Variants in TBC1D2 observed in about 807,000 individuals in gnomAD.
The protein encoded by TBC1D2 is TBC1 domain family member 2.
A neutral mutation model predicts 91.1 loss-of-function variants in TBC1D2; 58 were observed. The ratio of observed to expected loss-of-function variants is 0.64; its 90% CI spans 0.52 to 0.79. The LOEUF (loss-of-function observed/expected upper bound fraction) is 0.79, where lower values mean the gene tolerates loss of function less well. Among genes scored for constraint, TBC1D2 ranks in the 30% least tolerant of loss-of-function variants. The pLI is 0.00. For missense variants in TBC1D2, 1,080 were observed against 1,208.3 expected, an observed-to-expected ratio of 0.89 and a Z score of 1.57; for synonymous variants, 482 against 511.5, an observed-to-expected ratio of 0.94 and a Z score of 0.78.
chr9:98,223,738 C>T (rs1400978228), intron 5 of TBC1D2, among the ~76,000 whole-genome samples: 1 of 152,188 alleles, frequency 6.6e-6, no homozygotes, highest in Non-Finnish European at 1.5e-5. Context: ...CCAGGAGGCT[C>T]TCCTCCCACC....
chr9:98,229,401 T>C lies in TBC1D2; in HGVS notation c.782-253A>G, dbSNP rs560508231. On this transcript the variant is annotated intron_variant, in intron 4 of 12. Transcript: ENST00000465784. ...CTGGCCTACATAAACGTTATTGCAC[T>C]GTGCTGGCCCATCTGCTAAACTGTG... 7.2e-5 allele frequency among the ~76,000 whole-genome samples: 11 copies of C among 152,362 alleles called. No individual in the cohort carries two copies. The East Asian group carries it at 2.1e-3, about 29-fold the overall frequency.
At chr9:98,204,214 G>A (rs1004879680) in intron 9 of TBC1D2, among the ~76,000 whole-genome samples, 4 of 152,102 alleles carry the variant, frequency 2.6e-5, no homozygotes, top group Non-Finnish European at 5.9e-5. Flanking sequence ...TGTCTTCCAG[G>A]GACTACTGGT....
chr9:98,235,283 G>T (rs542840662), intron 3 of TBC1D2: 4 of 372,604 alleles, frequency 1.1e-5, no homozygotes, highest in African/African-American at 8.5e-5. Flanking sequence ...AGGAGTCAAC[G>T]CTATTGTTTA....
chr9:98,225,629 C>T (rs1203310159), intron 5 of TBC1D2, among the ~76,000 whole-genome samples: 1 of 152,224 alleles, frequency 6.6e-6, no homozygotes, highest in Non-Finnish European at 1.5e-5. Context: ...AGACCCTGAG[C>T]ATGCAGACAC....
At chr9:98,244,613 C>A (rs146486714) in intron 2 of TBC1D2, among the ~76,000 whole-genome samples, 1 of 143,678 alleles carries the variant, frequency 7.0e-6, no homozygotes, top group African/African-American at 2.6e-5. Context: ...GGGCCGAGAT[C>A]GCGCCATTGC....
intron 2 of TBC1D2, among the ~76,000 whole-genome samples, chr9:98,250,226 C>T (rs1829843772): frequency 6.6e-6 from 1 of 152,144 alleles, no homozygotes; most frequent in African/African-American, 2.4e-5. Context: ...GCCGAAGCAT[C>T]AAGCCCAAGG....
At chr9:98,205,172 C>T (rs1296615839) in intron 9 of TBC1D2, among the ~76,000 whole-genome samples, 1 of 152,214 alleles carries the variant, frequency 6.6e-6, no homozygotes, top group Non-Finnish European at 1.5e-5. Flanking sequence ...CAAAGTCTAG[C>T]CCAGTGCTCT....
At position 98,247,854 on chromosome 9, in the gene TBC1D2, T is replaced by C. The variant is rs1397480430; in HGVS notation, c.512-3725A>G. Among the ~76,000 whole-genome samples, 4 of 152,202 alleles carry C rather than the reference T, an allele frequency of 2.6e-5. No individual in the cohort carries two copies. In the East Asian group the frequency reaches 7.7e-4, roughly 29 times the overall value. ...AAAATTTTTTTATTTATCAATATTT[T>C]AACCATCTTATTCTCCTTCATTCAA... On this transcript the variant is annotated intron_variant, in intron 2 of 12. Coordinates refer to ENST00000465784, the MANE Select transcript of TBC1D2 (RefSeq NM_001267571.2).
rs370640303 is a variant in TBC1D2 at position 98,199,619 on chromosome 9, C to T, written c.2580-31G>A. The T allele has an allele frequency of 8.1e-4, 1,298 of 1,610,344 alleles. 2 individuals are homozygous for T. Among genetic ancestry groups the T allele is most frequent in the South Asian group, 3.1e-3 (281 of 91,030 alleles). ...AGGAGGGCACAATCAGCCCAGAGCACGTCACCCCACCTGGCCGGCGTTTAC... is the reference window on the plus strand; with the variant it reads ...AGGAGGGCACAATCAGCCCAGAGCATGTCACCCCACCTGGCCGGCGTTTAC... On this transcript the variant is annotated intron_variant, in intron 12 of 12. Coordinates refer to ENST00000465784, the MANE Select transcript of TBC1D2 (RefSeq NM_001267571.2).
rs1419196024 is a variant in TBC1D2 at position 98,213,211 on chromosome 9, A to G, written c.1382T>C (p.Met461Thr). ...GCAGTTCTGGGTCCGGTAAGCTTCC[A>G]TGTCATCCTGGAGAAGAGAGTAAAA... ...QGKIEHLKDD[M>T]EAYRTQNCFL... Residue 461 changes from methionine to threonine, a missense_variant, in exon 7 of 13, where the codon ATG (methionine) becomes ACG (threonine). Coordinates refer to ENST00000465784, the MANE Select transcript of TBC1D2 (RefSeq NM_001267571.2). 6.2e-7 allele frequency: 1 copy of G among 1,614,148 alleles called. No homozygotes were observed.
At position 98,228,861 on chromosome 9, in the gene TBC1D2, C is replaced by A. The variant is rs182302572; in HGVS notation, c.978+91G>T. On this transcript the variant is annotated intron_variant, in intron 5 of 12. Coordinates refer to ENST00000465784, the MANE Select transcript of TBC1D2 (RefSeq NM_001267571.2). This position sits in a 1 kb window ranked among gnomAD's most constrained non-coding sequence, Gnocchi z 4.0. The stretch of plus-strand genomic sequence containing the variant: ...ACCAGAGAGTAGCTGGTGCCCAGCA[C>A]GGCTAATGCGTCCCATCTAGCTTAT... The A allele has an allele frequency of 2.4e-6, 3 of 1,275,718 alleles. No homozygotes were observed. Among genetic ancestry groups the A allele is most frequent in the East Asian group, 2.3e-5 (1 of 43,002 alleles). The allele number at this position is 1,275,718 out of a possible 1,614,324, so 79.0% of individuals were successfully genotyped here.
At chr9:98,230,966 T>G (rs925551872) in intron 4 of TBC1D2, among the ~76,000 whole-genome samples, 1 of 152,144 alleles carries the variant, frequency 6.6e-6, no homozygotes, top group East Asian at 1.9e-4. Context: ...CAGGTTACAC[T>G]GGGTACAAGG....
intron 6 of TBC1D2, among the ~76,000 whole-genome samples, chr9:98,215,618 C>T (rs915455049): frequency 9.9e-5 from 15 of 152,204 alleles, no homozygotes; most frequent in African/African-American, 3.6e-4. Flanking sequence ...AGCAATCCTC[C>T]CACCTCAGCC....
intron 8 of TBC1D2, among the ~76,000 whole-genome samples, chr9:98,210,271 C>T (rs1828796201): frequency 6.6e-6 from 1 of 152,218 alleles, no homozygotes. Flanking sequence ...GCATAGCCAC[C>T]CTCCTTTCTG....
intron 1 of TBC1D2, 53 bp from the exon 2 acceptor site, chr9:98,251,979 G>C (rs940437700): frequency 6.4e-7 from 1 of 1,557,534 alleles, no homozygotes; most frequent in Admixed American, 2.1e-5. Flanking sequence ...GGGTGGCACT[G>C]GGTGCAGGAA....
intron 5 of TBC1D2, among the ~76,000 whole-genome samples, chr9:98,224,251 A>G (rs1829173578): frequency 6.7e-6 from 1 of 149,054 alleles, no homozygotes; most frequent in Non-Finnish European, 1.5e-5. Context: ...TGATGAAATT[A>G]AGCTTTTTGA....
chr9:98,248,725 C>A (rs556431710), intron 2 of TBC1D2, among the ~76,000 whole-genome samples: 11 of 152,312 alleles, frequency 7.2e-5, no homozygotes, highest in Admixed American at 7.2e-4. Context: ...TAAGATGACG[C>A]ATGTAAAGTG....
chr9:98,213,707 A>T (rs898773761), intron 6 of TBC1D2, among the ~76,000 whole-genome samples: 1 of 152,250 alleles, frequency 6.6e-6, no homozygotes, highest in African/African-American at 2.4e-5. Flanking sequence ...AAACCTTTCA[A>T]TGTTGCTACA....
At chr9:98,209,734 C>CCT (rs1828765451) in intron 8 of TBC1D2, among the ~76,000 whole-genome samples, 1 of 129,414 alleles carries the variant, frequency 7.7e-6, no homozygotes, top group African/African-American at 3.0e-5. Context: ...TCCTTCCTTC[C>CCT]TTCTTTCCTT....
Sources: gnomAD v4.1 joint callset for allele counts (sites outside exome capture counted in the v4.1 genomes callset) on GRCh38, gnomAD v4.1.1 for gene constraint, Gnocchi (gnomAD v3.1) non-coding constraint, MANE v1.5 for transcripts, NCBI Gene and HGNC (gene_info 2026-07-23, HGNC 2026-07-21) for gene names.